The following EDA variants were observed in gnomAD, a reference collection of about 807,000 sequenced individuals.
EDA encodes ectodysplasin A.
In EDA, 2 loss-of-function variants were observed where a neutral mutation model predicts 23.6. The ratio of observed to expected loss-of-function variants is 0.08; its 90% CI spans 0.03 to 0.27. EDA has a LOEUF of 0.27. EDA is among the 10% of genes least tolerant of loss of function. The pLI, the probability that EDA is intolerant of heterozygous loss-of-function variation, is 1.00. For missense variants in EDA, 229 were observed against 324.2 expected, an observed-to-expected ratio of 0.71 and a Z score of 2.26; for synonymous variants, 131 against 132.0, an observed-to-expected ratio of 0.99 and a Z score of 0.05.
At chrX:69,627,646 T>C (rs989680370) in intron 1 of EDA, among the ~76,000 whole-genome samples, 11 of 112,082 alleles carry the variant, frequency 9.8e-5, no homozygotes, top group Non-Finnish European at 3.8e-5. Context: ...ATAAAGAAGA[T>C]AAGATTTGGT....
intron 1 of EDA, among the ~76,000 whole-genome samples, chrX:69,751,465 T>G (rs1189130859): frequency 8.9e-6 from 1 of 112,326 alleles, no homozygotes; most frequent in African/African-American, 3.2e-5. Flanking sequence ...GCGCGATGCC[T>G]CCAGCTTTGT....
chrX:69,712,397 G>A (rs769876856), intron 1 of EDA, among the ~76,000 whole-genome samples: 20 of 111,207 alleles, frequency 1.8e-4, no homozygotes, highest in South Asian at 3.8e-4. Context: ...AAAAGTGGGC[G>A]AAGGATATGA....
At chrX:69,826,322 G>C (rs1334812982) in intron 1 of EDA, among the ~76,000 whole-genome samples, 1 of 110,060 alleles carries the variant, frequency 9.1e-6, no homozygotes, top group Non-Finnish European at 1.9e-5. Flanking sequence ...CATTATTAAT[G>C]TGTGGGAGTC....
chrX:69,788,928 G>A (rs1326209509), intron 1 of EDA, among the ~76,000 whole-genome samples: 1 of 112,437 alleles, frequency 8.9e-6, no homozygotes, highest in Non-Finnish European at 1.9e-5. Flanking sequence ...AGACTGCTGT[G>A]CTATCAATCA....
At chrX:69,633,735 C>A in intron 1 of EDA, among the ~76,000 whole-genome samples, 1 of 112,128 alleles carries the variant, frequency 8.9e-6, no homozygotes, top group African/African-American at 3.2e-5. Flanking sequence ...ATGGATATAC[C>A]ACCTTTTATT....
chrX:69,669,861 T>G (rs1933820627), intron 1 of EDA, among the ~76,000 whole-genome samples: 1 of 111,452 alleles, frequency 9.0e-6, no homozygotes, highest in Non-Finnish European at 1.9e-5. Flanking sequence ...TTTCTATTGT[T>G]GCTATCTTTA....
At chrX:69,769,267 G>A (rs2014557978) in intron 1 of EDA, among the ~76,000 whole-genome samples, 1 of 111,798 alleles carries the variant, frequency 8.9e-6, no homozygotes, top group Non-Finnish European at 1.9e-5. Context: ...TAAGGGATGA[G>A]TAATGAAATC....
Position 69,907,878 on chromosome X carries a change from A to T in EDA, c.397-49149A>T, listed in dbSNP as rs138565688. On this transcript the variant is annotated intron_variant, in intron 1 of 7. Coordinates refer to ENST00000374552, the MANE Select transcript of EDA (RefSeq NM_001399.5). The stretch of plus-strand genomic sequence containing the variant: ...TAATCCCAGAAGAACTAGATCTAAG[A>T]GAAAAGAAAAAAAAATCTAGAGAAG... 3.4e-3 allele frequency among the ~76,000 whole-genome samples: 378 copies of T among 111,529 alleles called. 10 individuals are homozygous for T. In the South Asian group the frequency reaches 0.082, roughly 24 times the overall value.
chrX:69,702,645 A>G (rs1276482258), intron 1 of EDA, among the ~76,000 whole-genome samples: 4 of 110,105 alleles, frequency 3.6e-5, no homozygotes, highest in Non-Finnish European at 7.6e-5. Context: ...CAACAAGGAA[A>G]AAGAGGTTGG....
intron 1 of EDA, among the ~76,000 whole-genome samples, chrX:69,906,439 T>A (rs938562703): frequency 8.9e-6 from 1 of 112,180 alleles, no homozygotes; most frequent in Admixed American, 9.5e-5. Flanking sequence ...GAAAAGAAAA[T>A]TTTAAAATAT....
At chrX:69,756,559 C>A (rs188383528) in intron 1 of EDA, among the ~76,000 whole-genome samples, 1 of 111,602 alleles carries the variant, frequency 9.0e-6, no homozygotes, top group Non-Finnish European at 1.9e-5. Context: ...TCAACTCTAC[C>A]TAAACGTTTC....
At chrX:69,710,025 C>T (rs2011913817) in intron 1 of EDA, among the ~76,000 whole-genome samples, 1 of 111,829 alleles carries the variant, frequency 8.9e-6, no homozygotes, top group South Asian at 3.7e-4. Flanking sequence ...TCAATTTTGG[C>T]TTTTGTTGCC....
At chrX:69,957,190 C>G in intron 2 of EDA, 58 bp downstream of exon 2, 1 of 1,063,510 alleles carries the variant, frequency 9.4e-7, no homozygotes. Flanking sequence ...TAAAAGTATC[C>G]TTTTAAGAAC....
chrX:69,787,478 G>A (rs759178485), intron 1 of EDA, among the ~76,000 whole-genome samples: 22 of 102,967 alleles, frequency 2.1e-4, no homozygotes, highest in African/African-American at 6.6e-4. Context: ...CTCTTTTAGG[G>A]CAGGCCTGGT....
At chrX:69,846,890 A>C (rs1357220076) in intron 1 of EDA, among the ~76,000 whole-genome samples, 1 of 111,528 alleles carries the variant, frequency 9.0e-6, no homozygotes, top group Non-Finnish European at 1.9e-5. Flanking sequence ...CAACTGATAC[A>C]GGCCCCCAGT....
rs1240685658 is a variant in EDA, at chrX:69,801,609, A to G, written c.397-155418A>G. ...CCAAAAACCAGAAGATATTTGTTACACATATGACTGATAAGGGATTGTTAC... is the reference window on the plus strand; with the variant it reads ...CCAAAAACCAGAAGATATTTGTTACGCATATGACTGATAAGGGATTGTTAC... On this transcript the variant is annotated intron_variant, in intron 1 of 7. Coordinates refer to ENST00000374552, the MANE Select transcript of EDA (RefSeq NM_001399.5). Among the ~76,000 whole-genome samples, 3 of 112,161 alleles carry G rather than the reference A, an allele frequency of 2.7e-5. No individual in the cohort carries two copies. In the South Asian group the frequency reaches 1.1e-3, roughly 42 times the overall value.
chrX:69,967,044 G>T (rs1483665632), intron 2 of EDA, among the ~76,000 whole-genome samples: 1 of 109,814 alleles, frequency 9.1e-6, no homozygotes, highest in Non-Finnish European at 1.9e-5. Flanking sequence ...GATTACCTTG[G>T]GTGGAAGAGG....
At chrX:69,908,814 A>G (rs1426774101) in intron 1 of EDA, among the ~76,000 whole-genome samples, 1 of 109,887 alleles carries the variant, frequency 9.1e-6, no homozygotes, top group Middle Eastern at 4.3e-3. Flanking sequence ...TTAGTTTAGG[A>G]CAATTTTCTA....
chrX:69,852,502 G>C, intron 1 of EDA, among the ~76,000 whole-genome samples: 1 of 111,482 alleles, frequency 9.0e-6, no homozygotes, highest in African/African-American at 3.3e-5. Context: ...AGTAAACTAG[G>C]GGTAGTGAGC....
Sources: gnomAD v4.1 joint callset for allele counts (sites outside exome capture counted in the v4.1 genomes callset) on GRCh38, gnomAD v4.1.1 for gene constraint, MANE v1.5 for transcripts, NCBI Gene and HGNC (gene_info 2026-07-23, HGNC 2026-07-21) for gene names.